The following CTNNA3 variants were observed in gnomAD, a reference collection of about 807,000 sequenced individuals.
CTNNA3 encodes the protein catenin alpha-3.
Under a neutral mutation model 95.7 loss-of-function variants are expected in CTNNA3, and 76 were observed. The ratio of observed to expected loss-of-function variants is 0.79; its 90% CI spans 0.66 to 0.96. CTNNA3 has a LOEUF of 0.96. CTNNA3 is among the 40% of genes least tolerant of loss of function. The pLI, the probability that CTNNA3 is intolerant of heterozygous loss-of-function variation, is 0.00. For missense variants in CTNNA3, 1,191 were observed against 1,089.8 expected, an observed-to-expected ratio of 1.09 and a Z score of -1.31; for synonymous variants, 431 against 374.4, an observed-to-expected ratio of 1.15 and a Z score of -1.74.
At chr10:66,398,397 C>A (rs1258860823) in intron 11 of CTNNA3, among the ~76,000 whole-genome samples, 1 of 151,836 alleles carries the variant, frequency 6.6e-6, no homozygotes, top group African/African-American at 2.4e-5. Flanking sequence ...GTCATATGCC[C>A]AGCAGTTACA....
chr10:66,629,706 T>C (rs1845065433), intron 9 of CTNNA3, among the ~76,000 whole-genome samples: 1 of 152,164 alleles, frequency 6.6e-6, no homozygotes, highest in East Asian at 1.9e-4. Context: ...TCATCATGTG[T>C]AGTTCTTGTT....
At chr10:66,461,452 C>T (rs1589283034) in intron 11 of CTNNA3, among the ~76,000 whole-genome samples, 1 of 152,060 alleles carries the variant, frequency 6.6e-6, no homozygotes, top group East Asian at 1.9e-4. Context: ...AAGTATGTTT[C>T]TGAGTGATTA....
chr10:66,525,742 A>T (rs942506744), intron 10 of CTNNA3, among the ~76,000 whole-genome samples: 1 of 152,166 alleles, frequency 6.6e-6, no homozygotes, highest in Non-Finnish European at 1.5e-5. Context: ...CTGTGCAACT[A>T]TCCATCTCCA....
intron 5 of CTNNA3, among the ~76,000 whole-genome samples, chr10:67,498,634 T>C (rs1048692259): frequency 6.6e-6 from 1 of 152,224 alleles, no homozygotes; most frequent in Non-Finnish European, 1.5e-5. Context: ...TAGCTCTCCT[T>C]GAAGAGGTCC....
At chr10:67,710,574 G>A (rs896791500) in intron 1 of CTNNA3, among the ~76,000 whole-genome samples, 12 of 152,128 alleles carry the variant, frequency 7.9e-5, no homozygotes, top group African/African-American at 2.7e-4. Flanking sequence ...ATCACACAGT[G>A]ACATATCCAC....
At chr10:66,464,201 T>A (rs1174546255) in intron 11 of CTNNA3, among the ~76,000 whole-genome samples, 1 of 152,128 alleles carries the variant, frequency 6.6e-6, no homozygotes, top group Non-Finnish European at 1.5e-5. Flanking sequence ...TATTTTACAA[T>A]GGAAAATTTC....
At chr10:66,143,737 C>T (rs970472302) in intron 13 of CTNNA3, among the ~76,000 whole-genome samples, 3 of 152,112 alleles carry the variant, frequency 2.0e-5, no homozygotes, top group African/African-American at 7.2e-5. Flanking sequence ...AAAGTAATAC[C>T]TTAACCGCAG....
At chr10:67,687,244 C>A (rs1008097508) in intron 1 of CTNNA3, among the ~76,000 whole-genome samples, 2 of 152,190 alleles carry the variant, frequency 1.3e-5, no homozygotes, top group Non-Finnish European at 2.9e-5. Flanking sequence ...TGAGCTGGCA[C>A]TTGCCCCGGG....
intron 7 of CTNNA3, among the ~76,000 whole-genome samples, chr10:67,146,883 T>TTAATGGTAACATAATGG (rs1860872485): frequency 6.6e-6 from 1 of 152,210 alleles, no homozygotes; most frequent in South Asian, 2.1e-4. Flanking sequence ...ATATAAACAG[T>TTAATGGTAACATAATGG]TAACATTATG....
At chr10:67,724,539 A>G (rs1459993391) in intron 1 of CTNNA3, among the ~76,000 whole-genome samples, 1 of 152,086 alleles carries the variant, frequency 6.6e-6, no homozygotes, top group African/African-American at 2.4e-5. Context: ...TGGCTTCTCC[A>G]AAGCCACAGA....
chr10:67,304,594 GT>G (rs1172214385), intron 5 of CTNNA3, among the ~76,000 whole-genome samples: 1 of 151,504 alleles, frequency 6.6e-6, no homozygotes, highest in Non-Finnish European at 1.5e-5. Context: ...ACTATTTTTG[GT>G]TTTTTTTCTA....
chr10:67,105,610 T>C (rs1220259562), intron 7 of CTNNA3, among the ~76,000 whole-genome samples: 4 of 152,150 alleles, frequency 2.6e-5, no homozygotes, highest in African/African-American at 9.6e-5. Flanking sequence ...CTGATGAAAA[T>C]GTGGTGAAAG....
intron 1 of CTNNA3, among the ~76,000 whole-genome samples, chr10:67,659,496 G>C (rs1396638308): frequency 6.6e-6 from 1 of 152,136 alleles, no homozygotes; most frequent in Admixed American, 6.5e-5. Flanking sequence ...CATATAAAAA[G>C]TATGCCAAAA....
chr10:66,978,546 A>AT lies in CTNNA3; in HGVS notation c.1047+201770_1047+201771insA, dbSNP rs1465025333. Among the ~76,000 whole-genome samples the AT allele has an allele frequency of 8.3e-3, 594 of 71,630 alleles. 8 individuals carry two copies. The highest frequency in any genetic ancestry group is 0.018 in the Middle Eastern group (2 of 112). 47.0% of individuals were successfully genotyped at this position (71,630 alleles called of 152,430 possible). On this transcript the variant is annotated intron_variant, in intron 7 of 17. Transcript: ENST00000433211. ...CATCTCAAAAAAAAAAAAAAAAAAA[A>AT]AAAAAAATATATATATATATATATA...
intron 12 of CTNNA3, among the ~76,000 whole-genome samples, chr10:66,301,206 C>A (rs1000744426): frequency 1.3e-5 from 2 of 151,864 alleles, no homozygotes; most frequent in Non-Finnish European, 1.5e-5. Flanking sequence ...ACAGAAAGAA[C>A]CAGGACCAGA....
Position 66,602,005 on chromosome 10 carries a change from T to C in CTNNA3, c.1374+19687A>G, listed in dbSNP as rs1249604984. Among the ~76,000 whole-genome samples the C allele has an allele frequency of 2.6e-5, 4 of 151,984 alleles. No homozygotes were observed. In the East Asian group the frequency reaches 7.7e-4, roughly 29 times the overall value. The stretch of plus-strand genomic sequence containing the variant: ...TAGGGGACACTAGCATTGTCAGTTA[T>C]GACACATAAAATGAGAGTGCAGAGA... On this transcript the variant is annotated intron_variant, in intron 10 of 17. Coordinates refer to ENST00000433211, the MANE Select transcript of CTNNA3 (RefSeq NM_013266.4).
chr10:67,703,650 C>A (rs1841058983), intron 1 of CTNNA3, among the ~76,000 whole-genome samples: 1 of 152,016 alleles, frequency 6.6e-6, no homozygotes, highest in Non-Finnish European at 1.5e-5. Context: ...CTATCTATGA[C>A]AGACCCACAG....
rs772354764 is a variant in CTNNA3, at chr10:65,920,285, T to TA, written c.*44dup. 1 of 1,504,366 alleles carries TA rather than the reference T, an allele frequency of 6.6e-7. No homozygotes were observed. The highest frequency in any genetic ancestry group is 9.1e-7 in the Non-Finnish European group (1 of 1,097,528). 93.2% of individuals were successfully genotyped at this position (1,504,366 alleles called of 1,614,324 possible). On this transcript the variant is annotated 3_prime_UTR_variant, in exon 18 of 18. Transcript: ENST00000433211. ...TAAGTGTAAAATAAAGCAGTGTGGT[T>TA]AGGCAGGATTTTGTCATATAGGCAC... is the stretch of plus-strand genomic sequence containing the variant.
At chr10:67,444,815 T>C (rs186795859) in intron 5 of CTNNA3, among the ~76,000 whole-genome samples, 1 of 152,074 alleles carries the variant, frequency 6.6e-6, no homozygotes, top group Non-Finnish European at 1.5e-5. Context: ...GAAAAATTCC[T>C]AGACACATAC....
Sources: gnomAD v4.1 joint callset for allele counts (sites outside exome capture counted in the v4.1 genomes callset) on GRCh38, gnomAD v4.1.1 for gene constraint, MANE v1.5 for transcripts, NCBI Gene and HGNC (gene_info 2026-07-23, HGNC 2026-07-21) for gene names.